The following SMARCC1 variants were observed in gnomAD, a reference collection of about 807,000 sequenced individuals.
SMARCC1 encodes the protein SWI/SNF complex subunit SMARCC1.
Under a neutral mutation model 147.4 loss-of-function variants are expected in SMARCC1, and 43 were observed. That is an observed-to-expected ratio of 0.29 (90% CI 0.23 to 0.38). SMARCC1 has a LOEUF of 0.38. Among genes scored for constraint, SMARCC1 ranks in the 10% least tolerant of loss-of-function variants. The pLI is 1.00. For missense variants in SMARCC1, 1,119 were observed against 1,381.1 expected (o/e 0.81, Z 3.01); for synonymous variants, 495 against 484.4 (o/e 1.02, Z -0.29).
chr3:47,663,906 C>T, intron 19 of SMARCC1: 1 of 1,470,136 alleles, frequency 6.8e-7, no homozygotes, highest in Non-Finnish European at 9.5e-7. Context: ...CTGGGTCTAG[C>T]TGTCACCGCT....
intron 26 of SMARCC1, among the ~76,000 whole-genome samples, chr3:47,600,988 AG>A (rs1482991510): frequency 1.4e-5 from 2 of 138,880 alleles, no homozygotes; most frequent in Non-Finnish European, 3.1e-5. Context: ...AGACAGGGAG[AG>A]GAAGAAAATG....
chr3:47,748,275 G>C (rs1431633817), intron 2 of SMARCC1, among the ~76,000 whole-genome samples: 1 of 152,146 alleles, frequency 6.6e-6, no homozygotes, highest in Non-Finnish European at 1.5e-5. Flanking sequence ...GTACAGCTGG[G>C]TGATCATGGC....
At chr3:47,750,379 G>A (rs1301801180) in intron 2 of SMARCC1, among the ~76,000 whole-genome samples, 1 of 152,128 alleles carries the variant, frequency 6.6e-6, no homozygotes, top group Admixed American at 6.6e-5. Context: ...AGGATGCAGT[G>A]AGCCGGGATC....
At chr3:47,692,855 T>C (rs1171003143) in intron 12 of SMARCC1, among the ~76,000 whole-genome samples, 1 of 151,998 alleles carries the variant, frequency 6.6e-6, no homozygotes, top group Non-Finnish European at 1.5e-5. Context: ...CCGTCTCTAC[T>C]AAAAATACAA....
chr3:47,609,753 T>C (rs2032535811), intron 26 of SMARCC1, among the ~76,000 whole-genome samples: 1 of 152,236 alleles, frequency 6.6e-6, no homozygotes, highest in Non-Finnish European at 1.5e-5. Context: ...TGTGTGTATT[T>C]ATCTTTGAAA....
At chr3:47,663,875 T>C in intron 19 of SMARCC1, 1 of 1,520,756 alleles carries the variant, frequency 6.6e-7, no homozygotes, top group East Asian at 2.3e-5. Context: ...CGCCCAGGGT[T>C]TCACGGTCAC....
intron 11 of SMARCC1, among the ~76,000 whole-genome samples, chr3:47,698,928 T>C (rs943557169): frequency 1.3e-5 from 2 of 152,158 alleles, no homozygotes; most frequent in African/African-American, 4.8e-5. Flanking sequence ...AATAGTTCAA[T>C]GTGAGAAGTA....
Position 47,680,472 on chromosome 3 carries a change from G to A in SMARCC1, c.1422C>T (p.Phe474=). 1 of 1,586,870 alleles carries A rather than the reference G, an allele frequency of 6.3e-7. No homozygotes were observed. The highest frequency in any genetic ancestry group is 8.6e-7 in the Non-Finnish European group (1 of 1,164,636). ...TCTTGGATTTGTTTTTTCCATTGAA[G>A]AACTCAGGAAGAGCACGCCGTTCAA... ...HVIERRALPE[F]FNGKNKSKTP... The change falls in exon 15 of 28, where the codon TTC becomes TTT. Residue 474 remains phenylalanine, a synonymous_variant. Transcript: ENST00000254480.
intron 16 of SMARCC1, among the ~76,000 whole-genome samples, chr3:47,677,811 T>G (rs867256425): frequency 6.6e-6 from 1 of 152,142 alleles, no homozygotes; most frequent in Non-Finnish European, 1.5e-5. Context: ...GTGCTGGGAA[T>G]ACAGGTGTAA....
intron 3 of SMARCC1, among the ~76,000 whole-genome samples, chr3:47,744,785 A>G (rs1427754800): frequency 6.6e-6 from 1 of 152,174 alleles, no homozygotes; most frequent in Non-Finnish European, 1.5e-5. Flanking sequence ...GAGAAAAAAA[A>G]GAAATAGTAC....
chr3:47,624,088 G>T (rs957377805), intron 24 of SMARCC1, among the ~76,000 whole-genome samples: 1 of 151,916 alleles, frequency 6.6e-6, no homozygotes, highest in African/African-American at 2.4e-5. Flanking sequence ...TCAGGAGTTC[G>T]AGACCAGCCC....
intron 18 of SMARCC1, among the ~76,000 whole-genome samples, chr3:47,674,470 T>C (rs1208203422): frequency 6.6e-6 from 1 of 152,226 alleles, no homozygotes; most frequent in Non-Finnish European, 1.5e-5. Context: ...TTGGCTTTGA[T>C]CATTTTTGTT....
chr3:47,767,591 C>T (rs1489658817), intron 2 of SMARCC1, among the ~76,000 whole-genome samples: 1 of 138,292 alleles, frequency 7.2e-6, no homozygotes, highest in Non-Finnish European at 1.5e-5. Context: ...TGAACTCGGC[C>T]GGGTGCGGTG....
chr3:47,750,641 T>C (rs1187127982), intron 2 of SMARCC1, among the ~76,000 whole-genome samples: 1 of 152,146 alleles, frequency 6.6e-6, no homozygotes, highest in Non-Finnish European at 1.5e-5. Context: ...GAATATGAAT[T>C]CCTTGTGGAC....
chr3:47,654,694 G>A (rs1331089746), intron 21 of SMARCC1, among the ~76,000 whole-genome samples: 6 of 152,192 alleles, frequency 3.9e-5, no homozygotes, highest in East Asian at 3.8e-4. Context: ...CAAAGGAGAC[G>A]CAGACAGGTG....
intron 17 of SMARCC1, 116 bp from the exon 18 acceptor site, chr3:47,675,704 T>C: frequency 1.8e-6 from 1 of 566,764 alleles, no homozygotes; most frequent in Non-Finnish European, 3.2e-6. Context: ...TCCCAGCACT[T>C]TGGGAGGCCG....
rs775903497 is a variant in SMARCC1 at position 47,781,717 on chromosome 3, G to A, written c.81C>T (p.Gly27=). 2 of 1,554,370 alleles carry A rather than the reference G, an allele frequency of 1.3e-6. No homozygotes were observed. The highest frequency in any genetic ancestry group is 1.2e-5 in the South Asian group (1 of 85,560). ...TGSGIAAAAA[G]LAVYRRKDGG... ...CATCCTTCCGTCGATAAACAGCTAG[G>A]CCTGCGGCTGCCGCCGCAATCCCCG... Residue 27 remains glycine (G), a synonymous_variant, in exon 1 of 28, where the codon GGC becomes GGT. Coordinates refer to ENST00000254480, the MANE Select transcript of SMARCC1 (RefSeq NM_003074.4).
At chr3:47,648,502 T>A (rs999603733) in intron 21 of SMARCC1, among the ~76,000 whole-genome samples, 1 of 152,126 alleles carries the variant, frequency 6.6e-6, no homozygotes, top group Non-Finnish European at 1.5e-5. Context: ...TCCTTCCATC[T>A]CTGCCTCCCA....
intron 2 of SMARCC1, among the ~76,000 whole-genome samples, chr3:47,769,857 A>G (rs2034886224): frequency 6.6e-6 from 1 of 152,216 alleles, no homozygotes; most frequent in South Asian, 2.1e-4. Context: ...ATAAGGAAAA[A>G]CAGAAAAATG....
Sources: gnomAD v4.1 joint callset for allele counts (sites outside exome capture counted in the v4.1 genomes callset) on GRCh38, gnomAD v4.1.1 for gene constraint, MANE v1.5 for transcripts, NCBI Gene and HGNC (gene_info 2026-07-23, HGNC 2026-07-21) for gene names.